The following TTC39C variants were observed in gnomAD, a reference collection of about 807,000 sequenced individuals.
The protein encoded by TTC39C is tetratricopeptide repeat domain 39C.
Under a neutral mutation model 76.3 loss-of-function variants are expected in TTC39C, and 33 were observed. The observed-to-expected ratio is 0.43, with a 90% CI of 0.33 to 0.58. TTC39C has a LOEUF of 0.58. Among genes scored for constraint, TTC39C ranks in the 20% least tolerant of loss-of-function variants. The pLI is 0.04. For missense variants in TTC39C, 595 were observed against 701.4 expected (o/e 0.85, Z 1.71); for synonymous variants, 254 against 260.6 (o/e 0.97, Z 0.24).
At chr18:24,014,644 C>T, upstream of TTC39C, 1 of 506,806 alleles carries the variant, frequency 2.0e-6, no homozygotes, top group Non-Finnish European at 2.8e-6. Flanking sequence ...GCTGAGTAAT[C>T]CCCGCGGCGG....
intron 6 of TTC39C, among the ~76,000 whole-genome samples, chr18:24,090,110 C>G (rs2084498821): frequency 6.6e-6 from 1 of 152,012 alleles, no homozygotes; most frequent in Non-Finnish European, 1.5e-5. Flanking sequence ...TTAGATTTCC[C>G]TTGTGTTAAT....
chr18:24,028,888 A>G (rs2083630901), intron 1 of TTC39C, among the ~76,000 whole-genome samples: 2 of 151,662 alleles, frequency 1.3e-5, no homozygotes, highest in South Asian at 4.2e-4. Context: ...ACGCCTGGCT[A>G]ATTTTTGTAT....
At position 24,021,853 on chromosome 18, in the gene TTC39C, T is replaced by C. The variant is rs111975926; in HGVS notation, c.167+6815T>C. Among the ~76,000 whole-genome samples the C allele has an allele frequency of 2.7e-3, 411 of 152,198 alleles. 2 individuals carry two copies. Among genetic ancestry groups the C allele is most frequent in the African/African-American group, 9.4e-3 (390 of 41,528 alleles). ...TATTACAGAGAAAGCCCCTAGAGAG[T>C]CAGGAAGTTCATCTCTTTAAAAAGT... On this transcript the variant is annotated intron_variant, in intron 1 of 13. Transcript: ENST00000317571.
chr18:24,045,593 G>A (rs895169666), intron 1 of TTC39C, among the ~76,000 whole-genome samples: 33 of 151,988 alleles, frequency 2.2e-4, no homozygotes, highest in African/African-American at 7.5e-4. Flanking sequence ...AAACTCCGTG[G>A]GAAGGGCCTC....
chr18:24,071,104 A>G (rs1441366963), intron 4 of TTC39C, among the ~76,000 whole-genome samples: 12 of 151,782 alleles, frequency 7.9e-5, no homozygotes, highest in Non-Finnish European at 1.2e-4. Flanking sequence ...AATTTTTTGT[A>G]CTTTTAGTAG....
intron 1 of TTC39C, among the ~76,000 whole-genome samples, chr18:24,061,979 G>A (rs2084107107): frequency 6.6e-6 from 1 of 152,240 alleles, no homozygotes; most frequent in African/African-American, 2.4e-5. Flanking sequence ...TGCAGCCTGA[G>A]AGGACGATCG....
chr18:24,009,014 A>G (rs2083375862), intron 1 of TTC39C, among the ~76,000 whole-genome samples: 1 of 152,198 alleles, frequency 6.6e-6, no homozygotes, highest in Non-Finnish European at 1.5e-5. Flanking sequence ...ACATATGGAC[A>G]CAAAGAGGGG....
intron 4 of TTC39C, among the ~76,000 whole-genome samples, chr18:24,072,379 A>G (rs113962390): frequency 0.049 from 7,465 of 151,516 alleles, 388 homozygotes; most frequent in East Asian, 0.25. Flanking sequence ...CAGCACAACC[A>G]CTGCCTCCCG....
At chr18:24,038,044 G>A (rs2083751720) in intron 1 of TTC39C, among the ~76,000 whole-genome samples, 2 of 152,190 alleles carry the variant, frequency 1.3e-5, no homozygotes, top group African/African-American at 4.8e-5. Flanking sequence ...GTTGTCAGAT[G>A]TGTATCTAGT....
chr18:24,018,438 C>T (rs558203969), intron 1 of TTC39C, among the ~76,000 whole-genome samples: 12 of 152,318 alleles, frequency 7.9e-5, no homozygotes, highest in Middle Eastern at 6.8e-3. Flanking sequence ...GTGACGTGCA[C>T]TCAGACCTTT....
At chr18:24,025,589 A>G (rs913975018) in intron 1 of TTC39C, among the ~76,000 whole-genome samples, 4 of 152,254 alleles carry the variant, frequency 2.6e-5, no homozygotes, top group African/African-American at 9.6e-5. Flanking sequence ...AAAATGTTCA[A>G]AAGTTTTGCG....
chr18:24,004,661 C>T (rs2083338429), intron 1 of TTC39C, among the ~76,000 whole-genome samples: 1 of 152,160 alleles, frequency 6.6e-6, no homozygotes, highest in Admixed American at 6.5e-5. Flanking sequence ...TTAAAATATG[C>T]ACCTTTATTC....
At chr18:24,024,647 G>A (rs2083575168) in intron 1 of TTC39C, among the ~76,000 whole-genome samples, 1 of 152,158 alleles carries the variant, frequency 6.6e-6, no homozygotes, top group Non-Finnish European at 1.5e-5. Context: ...TTAAGACATA[G>A]GATGTGTGCT....
chr18:24,002,338 AG>A (rs1190291242), intron 1 of TTC39C, among the ~76,000 whole-genome samples: 2 of 152,212 alleles, frequency 1.3e-5, no homozygotes, highest in African/African-American at 2.4e-5. Flanking sequence ...AAGAGGAAAG[AG>A]CAACTAAAAG....
At chr18:24,074,686 C>T (rs1279375616) in intron 4 of TTC39C, among the ~76,000 whole-genome samples, 2 of 152,198 alleles carry the variant, frequency 1.3e-5, no homozygotes, top group South Asian at 2.1e-4. Flanking sequence ...AATAGGAACA[C>T]TTTTACACTG....
intron 1 of TTC39C, among the ~76,000 whole-genome samples, chr18:23,998,473 G>A (rs2083285992): frequency 6.6e-6 from 1 of 152,132 alleles, no homozygotes; most frequent in African/African-American, 2.4e-5. Context: ...AGCCGAGTGT[G>A]ATGGTGCACG....
chr18:24,004,171 G>T (rs931186721), intron 1 of TTC39C, among the ~76,000 whole-genome samples: 2 of 152,218 alleles, frequency 1.3e-5, no homozygotes, highest in Non-Finnish European at 2.9e-5. Flanking sequence ...CCTTTCTGGA[G>T]CAGTAAGGGA....
intron 1 of TTC39C, among the ~76,000 whole-genome samples, chr18:24,060,912 G>A (rs1253164093): frequency 6.6e-6 from 1 of 152,134 alleles, no homozygotes; most frequent in African/African-American, 2.4e-5. Flanking sequence ...TCAGATTACT[G>A]TGTTGTAAAG....
intron 6 of TTC39C, among the ~76,000 whole-genome samples, chr18:24,112,107 G>A (rs564596015): frequency 6.6e-6 from 1 of 152,310 alleles, no homozygotes; most frequent in East Asian, 1.9e-4. Flanking sequence ...GAGGCTGTGG[G>A]GAGAACCCTT....
Sources: gnomAD v4.1 joint callset for allele counts (sites outside exome capture counted in the v4.1 genomes callset) on GRCh38, gnomAD v4.1.1 for gene constraint, MANE v1.5 for transcripts, NCBI Gene and HGNC (gene_info 2026-07-23, HGNC 2026-07-21) for gene names.